The following UBE2E2 variants were observed in gnomAD, a reference collection of about 807,000 sequenced individuals.
UBE2E2 encodes the protein ubiquitin-conjugating enzyme E2 E2.
In UBE2E2, 6 loss-of-function variants were observed where a neutral mutation model predicts 24.7. That is an observed-to-expected ratio of 0.24 (90% CI 0.13 to 0.48). The LOEUF (loss-of-function observed/expected upper bound fraction) is 0.48, where lower values mean the gene tolerates loss of function less well. Among genes scored for constraint, UBE2E2 ranks in the 20% least tolerant of loss-of-function variants. The pLI is 0.99. For missense variants in UBE2E2, 169 were observed against 245.0 expected (o/e 0.69, Z 2.07); for synonymous variants, 104 against 83.6 (o/e 1.24, Z -1.33).
chr3:23,563,748 G>A (rs578034954), intron 5 of UBE2E2, among the ~76,000 whole-genome samples: 2 of 152,094 alleles, frequency 1.3e-5, no homozygotes, highest in African/African-American at 2.4e-5. Flanking sequence ...GTAGCTATAA[G>A]TGAAATATTG....
intron 3 of UBE2E2, among the ~76,000 whole-genome samples, chr3:23,440,565 TAGAA>T (rs1379863737): frequency 1.3e-5 from 2 of 152,210 alleles, no homozygotes; most frequent in African/African-American, 4.8e-5. Context: ...TATTTCTCGA[TAGAA>T]AGGAAGTGGT....
intron 3 of UBE2E2, among the ~76,000 whole-genome samples, chr3:23,295,768 C>T (rs917895343): frequency 2.0e-5 from 3 of 152,052 alleles, no homozygotes; most frequent in Non-Finnish European, 4.4e-5. Context: ...ACTTGCACTT[C>T]TATTAAGAGT....
chr3:23,249,546 A>T (rs992948290), intron 3 of UBE2E2, among the ~76,000 whole-genome samples: 1 of 152,262 alleles, frequency 6.6e-6, no homozygotes, highest in Non-Finnish European at 1.5e-5. Context: ...AAACGTAGTT[A>T]AATTAGCCAA....
chr3:23,305,980 T>TA (rs1471660012), intron 3 of UBE2E2, among the ~76,000 whole-genome samples: 1 of 152,196 alleles, frequency 6.6e-6, no homozygotes, highest in Non-Finnish European at 1.5e-5. Flanking sequence ...TCTAGGCCTT[T>TA]ATTCTCAATT....
intron 3 of UBE2E2, among the ~76,000 whole-genome samples, chr3:23,234,271 G>A (rs978111374): frequency 1.3e-5 from 2 of 151,928 alleles, no homozygotes; most frequent in Non-Finnish European, 2.9e-5. Flanking sequence ...TTTGGAGTGG[G>A]ACATGACCAA....
rs1553622745 is a variant in UBE2E2 at position 23,582,891 on chromosome 3, G to GTGTGTGTGTGTGTGTGTA, written c.509-6840_509-6839insGTGTGTGTGTGTGTATGT. Among the ~76,000 whole-genome samples, 479 of 148,694 alleles carry GTGTGTGTGTGTGTGTGTA rather than the reference G, an allele frequency of 3.2e-3. 4 individuals carry two copies. Among genetic ancestry groups the GTGTGTGTGTGTGTGTGTA allele is most frequent in the African/African-American group, 9.3e-3 (370 of 39,858 alleles). ...TGTGTGTGTGTGTGTGTGTGTGTGT[G>GTGTGTGTGTGTGTGTGTA]TGTTGTGTGTTTGTTTGCTGTGCAG... On this transcript the variant is annotated intron_variant, in intron 5 of 5. Coordinates refer to ENST00000396703, the MANE Select transcript of UBE2E2 (RefSeq NM_152653.4).
chr3:23,317,585 A>G (rs1458424466), intron 3 of UBE2E2, among the ~76,000 whole-genome samples: 2 of 152,168 alleles, frequency 1.3e-5, no homozygotes, highest in Non-Finnish European at 2.9e-5. Flanking sequence ...CTCACAATCA[A>G]TGGTGGAAGG....
chr3:23,356,250 C>T (rs1695947019), intron 3 of UBE2E2, among the ~76,000 whole-genome samples: 1 of 152,088 alleles, frequency 6.6e-6, no homozygotes, highest in Admixed American at 6.6e-5. Flanking sequence ...TTTAGATGAT[C>T]AAGAGTTTAA....
At chr3:23,573,047 GAAGGA>G (rs1253708408) in intron 5 of UBE2E2, among the ~76,000 whole-genome samples, 3 of 152,098 alleles carry the variant, frequency 2.0e-5, no homozygotes, top group African/African-American at 7.2e-5. Context: ...AAAAATTACA[GAAGGA>G]AAGGAATGAG....
At chr3:23,272,282 C>T (rs1014998890) in intron 3 of UBE2E2, among the ~76,000 whole-genome samples, 4 of 151,732 alleles carry the variant, frequency 2.6e-5, no homozygotes, top group African/African-American at 7.2e-5. Flanking sequence ...TGCCCGGGGC[C>T]GGCCGGCTTC....
In UBE2E2 at chr3:23,268,731, G is replaced by A. The variant is rs879755146; in HGVS notation, c.227+51419G>A. Among the ~76,000 whole-genome samples, 599 of 149,204 alleles carry A rather than the reference G, an allele frequency of 4.0e-3. 4 individuals carry two copies. Among genetic ancestry groups the A allele is most frequent in the Admixed American group, 7.2e-3 (109 of 15,070 alleles). On this transcript the variant is annotated intron_variant, in intron 3 of 5. Transcript: ENST00000396703. Reference sequence around the variant, plus strand: ...AAAGTTCATATGGAACCAAAAAAGAGCCCGCATTGCCAAGTCAATCCTAAG... The same window carrying A: ...AAAGTTCATATGGAACCAAAAAAGAACCCGCATTGCCAAGTCAATCCTAAG...
chr3:23,472,644 T>C (rs1458796958), intron 3 of UBE2E2, among the ~76,000 whole-genome samples: 1 of 151,642 alleles, frequency 6.6e-6, no homozygotes, highest in East Asian at 1.9e-4. Context: ...TATTATTAAA[T>C]CTGTAACACT....
At chr3:23,310,924 T>C (rs1345880299) in intron 3 of UBE2E2, among the ~76,000 whole-genome samples, 1 of 152,128 alleles carries the variant, frequency 6.6e-6, no homozygotes, top group Non-Finnish European at 1.5e-5. Flanking sequence ...TTGTTACATA[T>C]GTATACATGT....
rs186154202 is a variant in UBE2E2 at position 23,505,211 on chromosome 3, G to A, written c.360+5471G>A. On this transcript the variant is annotated intron_variant, in intron 4 of 5. Transcript: ENST00000396703. ...GCTGGAATTACAGGCATGAGCCACC[G>A]CCGCCGGCCTGTGTTAGAAATTATA... Among the ~76,000 whole-genome samples, 696 of 151,454 alleles carry A rather than the reference G, an allele frequency of 4.6e-3. 6 individuals are homozygous for A. The highest frequency in any genetic ancestry group is 0.015 in the African/African-American group (630 of 41,246).
intron 2 of UBE2E2, among the ~76,000 whole-genome samples, chr3:23,214,339 A>T (rs1696414563): frequency 6.6e-6 from 1 of 152,026 alleles, no homozygotes; most frequent in Admixed American, 6.6e-5. Context: ...CTGTGGCCTC[A>T]AATTCCTGGG....
At chr3:23,208,981 T>C in intron 2 of UBE2E2, 106 bp downstream of exon 2, 2 of 1,203,082 alleles carry the variant, frequency 1.7e-6, no homozygotes, top group Non-Finnish European at 2.3e-6. Context: ...GGCCGTGAAC[T>C]TCATGGATTT....
intron 3 of UBE2E2, among the ~76,000 whole-genome samples, chr3:23,479,724 C>CT (rs1459373708): frequency 2.0e-5 from 3 of 152,114 alleles, no homozygotes; most frequent in African/African-American, 7.2e-5. Flanking sequence ...TGTGTAGCTC[C>CT]TTTTTGCAGG....
intron 3 of UBE2E2, among the ~76,000 whole-genome samples, chr3:23,472,491 G>A (rs1043289113): frequency 1.3e-5 from 2 of 152,040 alleles, no homozygotes; most frequent in Non-Finnish European, 2.9e-5. Flanking sequence ...TCACTGATTT[G>A]TCAGCTAGGT....
chr3:23,309,591 T>C (rs1358760917), intron 3 of UBE2E2, among the ~76,000 whole-genome samples: 7 of 152,170 alleles, frequency 4.6e-5, no homozygotes, highest in Middle Eastern at 3.2e-3. Flanking sequence ...GAGGTTGTTA[T>C]CAAGATGTCT....
Sources: allele counts gnomAD v4.1 joint callset (sites outside exome capture counted in the v4.1 genomes callset), GRCh38; gene constraint gnomAD v4.1.1; transcripts MANE v1.5; gene names NCBI Gene and HGNC (gene_info 2026-07-23, HGNC 2026-07-21).